PAN3: variants seen among roughly 807,000 people sequenced by gnomAD.
PAN3 encodes PAN2-PAN3 deadenylation complex subunit PAN3.
PAN3 carries 19 observed loss-of-function variants against 96.2 expected under a neutral mutation model. The ratio of observed to expected loss-of-function variants is 0.20; its 90% CI spans 0.14 to 0.29. The LOEUF is 0.29. PAN3 is among the 10% of genes least tolerant of loss of function. The pLI, the probability that PAN3 is intolerant of heterozygous loss-of-function variation, is 1.00. For missense variants in PAN3, 882 were observed against 1,108.1 expected, an observed-to-expected ratio of 0.80 and a Z score of 2.90; for synonymous variants, 433 against 406.6, an observed-to-expected ratio of 1.06 and a Z score of -0.78.
chr13:28,217,960 A>G (rs1172096744), intron 5 of PAN3, among the ~76,000 whole-genome samples: 1 of 151,920 alleles, frequency 6.6e-6, no homozygotes, highest in Non-Finnish European at 1.5e-5. Context: ...TGCCTCCTAC[A>G]CCTGAAAGAA....
intron 5 of PAN3, among the ~76,000 whole-genome samples, chr13:28,201,415 G>A (rs1175916924): frequency 1.3e-5 from 2 of 152,014 alleles, no homozygotes; most frequent in Admixed American, 6.6e-5. Flanking sequence ...GCATGGTGGC[G>A]GGTGCCTGTA....
chr13:28,292,198 T>C (rs1378181653), intron 18 of PAN3, among the ~76,000 whole-genome samples, 184 bp from the exon 19 acceptor site: 5 of 152,190 alleles, frequency 3.3e-5, no homozygotes, highest in Admixed American at 6.5e-5. Flanking sequence ...AGGGCAGTGT[T>C]TGTGTAAAAA....
chr13:28,259,009 GA>G (rs753331527), intron 7 of PAN3, among the ~76,000 whole-genome samples: 7 of 152,050 alleles, frequency 4.6e-5, no homozygotes, highest in Non-Finnish European at 8.8e-5. Context: ...TCGAATCCTT[GA>G]ATACAGAACC....
In PAN3 at chr13:28,293,845, C is replaced by CTATA. The variant is rs1053719975; in HGVS notation, c.*1325_*1328dup. 7 of 152,670 alleles carry CTATA rather than the reference C, an allele frequency of 4.6e-5. No individual in the cohort carries two copies. The highest frequency in any genetic ancestry group is 1.7e-4 in the African/African-American group (7 of 41,542). The allele number at this position is 152,670 out of a possible 1,614,324, so 9.5% of individuals were successfully genotyped here. A position where few individuals can be genotyped will look rare whatever the true frequency, so the allele number is the denominator to read the frequency against. On this transcript the variant is annotated 3_prime_UTR_variant, in exon 19 of 19. Transcript: ENST00000380958. ...CTTTCTTAAAAAACAGTAATGAAGA[C>CTATA]TATATCTCCTTTCCCAGCACTGAAT...
intron 7 of PAN3, among the ~76,000 whole-genome samples, chr13:28,259,857 C>T (rs1477591972): frequency 3.3e-5 from 5 of 151,838 alleles, no homozygotes; most frequent in Non-Finnish European, 7.4e-5. Flanking sequence ...AGGCTGGTCT[C>T]GAACTCCCAA....
chr13:28,182,417 C>T (rs1262387140), intron 4 of PAN3, among the ~76,000 whole-genome samples: 2 of 152,058 alleles, frequency 1.3e-5, no homozygotes, highest in South Asian at 2.1e-4. Flanking sequence ...TTATACCCAT[C>T]GTTTATATTT....
intron 12 of PAN3, among the ~76,000 whole-genome samples, chr13:28,269,260 C>A (rs1245080920): frequency 6.6e-6 from 1 of 151,998 alleles, no homozygotes; most frequent in Non-Finnish European, 1.5e-5. Context: ...TTATAGCATT[C>A]TTTTCCAGTA....
chr13:28,205,283 G>A (rs1288183489), intron 5 of PAN3, among the ~76,000 whole-genome samples: 2 of 151,940 alleles, frequency 1.3e-5, no homozygotes, highest in East Asian at 1.9e-4. Flanking sequence ...AGGGTGCCTG[G>A]GGACTTTGAA....
chr13:28,281,405 A>G (rs761626889), intron 17 of PAN3, 26 bp downstream of exon 17: 5 of 1,566,156 alleles, frequency 3.2e-6, no homozygotes, highest in South Asian at 2.3e-5. Flanking sequence ...ATTTTACAAT[A>G]TATTTTTAAT....
intron 6 of PAN3, among the ~76,000 whole-genome samples, chr13:28,229,806 A>G (rs1882349758): frequency 1.3e-5 from 2 of 152,190 alleles, no homozygotes; most frequent in South Asian, 4.1e-4. Flanking sequence ...GTTAAACTCC[A>G]GCATTTGCGT....
intron 1 of PAN3, among the ~76,000 whole-genome samples, chr13:28,147,038 G>GTTTT (rs1221309903): frequency 3.3e-5 from 5 of 152,104 alleles, no homozygotes; most frequent in African/African-American, 1.2e-4. Flanking sequence ...TAGTGTTACA[G>GTTTT]TTTTATGTGA....
At position 28,292,650 on chromosome 13, in the gene PAN3, A is replaced by C; in HGVS notation, c.*128A>C. The C allele has an allele frequency of 2.3e-6, 2 of 868,184 alleles. No individual in the cohort carries two copies. Among genetic ancestry groups the C allele is most frequent in the Non-Finnish European group, 3.3e-6 (2 of 607,530 alleles). 53.8% of individuals were successfully genotyped at this position (868,184 alleles called of 1,614,324 possible). On this transcript the variant is annotated 3_prime_UTR_variant, in exon 19 of 19. Coordinates refer to ENST00000380958, the MANE Select transcript of PAN3 (RefSeq NM_175854.8). ...ACAGGAGATGAGCAAAGCTGCTTGC[A>C]CTTCAGTCAGGTACACTGTTACTTG...
Position 28,280,421 on chromosome 13 carries a change from G to C in PAN3, c.2199G>C (p.Leu733Phe), listed in dbSNP as rs1428326668. 1.7e-5 allele frequency: 27 copies of C among 1,607,466 alleles called. No homozygotes were observed. Among genetic ancestry groups the C allele is most frequent in the Non-Finnish European group, 2.3e-5 (27 of 1,177,246 alleles). The change falls in exon 16 of 19, where the codon TTG becomes TTC. Residue 733 changes from leucine (L) to phenylalanine (F), a missense_variant. Physicochemically the swap from Leu to Phe is conservative, Grantham distance 22. Transcript: ENST00000380958. Reference sequence around the variant, plus strand: ...CTTTTATCTTGGGTAGGTATTTGTTGACTGACCAAAACAGGATGCGAAGTG... The same window carrying C: ...CTTTTATCTTGGGTAGGTATTTGTTCACTGACCAAAACAGGATGCGAAGTG... ...SDLKNLILYL[L>F]TDQNRMRSVN...
rs1347592805 is a variant in PAN3, at chr13:28,270,874, C to G, written c.1958+8C>G. On this transcript the variant is annotated splice_region_variant and intron_variant, in intron 13 of 18. Transcript: ENST00000380958. Reference sequence around the variant, plus strand: ...GATAACTGGCAAAACAAGGTACTAGCATTTTGAGTTTTGGTTTCTTTTATT... The same window carrying G: ...GATAACTGGCAAAACAAGGTACTAGGATTTTGAGTTTTGGTTTCTTTTATT... 6.2e-7 allele frequency: 1 copy of G among 1,611,246 alleles called. No individual in the cohort carries two copies.
At chr13:28,171,822 G>A (rs562951124) in intron 1 of PAN3, among the ~76,000 whole-genome samples, 1 of 152,334 alleles carries the variant, frequency 6.6e-6, no homozygotes, top group Admixed American at 6.5e-5. Context: ...CTCACTGGAA[G>A]ATGGTTGGGT....
intron 6 of PAN3, among the ~76,000 whole-genome samples, chr13:28,235,722 C>CACACACACACACACACACAT (rs763204992): frequency 1.9e-4 from 29 of 149,064 alleles, no homozygotes; most frequent in African/African-American, 6.9e-4. Flanking sequence ...CACACACACA[C>CACACACACACACACACACAT]ATATATATAT....
At chr13:28,248,327 T>G (rs946473273) in intron 6 of PAN3, among the ~76,000 whole-genome samples, 6 of 152,116 alleles carry the variant, frequency 3.9e-5, no homozygotes, top group Admixed American at 3.9e-4. Flanking sequence ...GGTGGAGTCT[T>G]TTGGTGTTTC....
rs530770663 is a variant in PAN3, at chr13:28,288,972, A to G, written c.2523+850A>G. Among the ~76,000 whole-genome samples, 151 of 151,850 alleles carry G rather than the reference A, an allele frequency of 9.9e-4. 1 individual carries two copies. The South Asian group carries it at 0.014, about 14-fold the overall frequency. ...CTCCCAAGTAGCTGGGACTACAGGCACCCACCACCATGCCCGGCTAATTTT... is the reference window on the plus strand; with the variant it reads ...CTCCCAAGTAGCTGGGACTACAGGCGCCCACCACCATGCCCGGCTAATTTT... On this transcript the variant is annotated intron_variant, in intron 18 of 18. Coordinates refer to ENST00000380958, the MANE Select transcript of PAN3 (RefSeq NM_175854.8).
intron 5 of PAN3, chr13:28,215,753 C>T: frequency 6.8e-7 from 1 of 1,475,716 alleles, no homozygotes; most frequent in South Asian, 1.1e-5. Flanking sequence ...CTGAGAGCTT[C>T]TCAGACCATC....
Sources: allele counts gnomAD v4.1 joint callset (sites outside exome capture counted in the v4.1 genomes callset), GRCh38; gene constraint gnomAD v4.1.1; transcripts MANE v1.5; gene names NCBI Gene and HGNC (gene_info 2026-07-23, HGNC 2026-07-21).